Variants in AARS2 observed in about 807,000 individuals in gnomAD.
AARS2 encodes alanine--tRNA ligase, mitochondrial.
In AARS2, 78 loss-of-function variants were observed where a neutral mutation model predicts 119.7. That is an observed-to-expected ratio of 0.65 (90% CI 0.54 to 0.79). The LOEUF (loss-of-function observed/expected upper bound fraction) is 0.79. AARS2 is among the 30% of genes least tolerant of loss of function. The probability of loss-of-function intolerance (pLI) is 0.00; values close to 1 mark genes in which losing one functional copy is unlikely to be tolerated. For synonymous variants in AARS2, 502 were observed against 526.3 expected, an observed-to-expected ratio of 0.95 and a Z score of 0.63; for missense variants, 1,157 against 1,291.3, an observed-to-expected ratio of 0.90 and a Z score of 1.59.
Position 44,307,728 on chromosome 6 carries a change from C to G in AARS2, c.895-334G>C. ...CATGCTTGCTTTAAAGAAGAAGAAGCTGAGGCTCAGAGGAACTCAGTGACA... is the reference window on the plus strand; with the variant it reads ...CATGCTTGCTTTAAAGAAGAAGAAGGTGAGGCTCAGAGGAACTCAGTGACA... On this transcript the variant is annotated intron_variant, in intron 5 of 21. Coordinates refer to ENST00000244571, the MANE Select transcript of AARS2 (RefSeq NM_020745.4). This position sits in a 1 kb window ranked among gnomAD's most constrained non-coding sequence, Gnocchi z 4.4. 1 of 367,876 alleles carries G rather than the reference C, an allele frequency of 2.7e-6. No individual in the cohort carries two copies. The highest frequency in any genetic ancestry group is 5.2e-6 in the Non-Finnish European group (1 of 193,656). 22.8% of individuals were successfully genotyped at this position (367,876 alleles called of 1,614,324 possible). A position where few individuals can be genotyped will look rare whatever the true frequency, so the allele number is the denominator to read the frequency against.
In AARS2 at chr6:44,307,445, G is replaced by A. The variant is rs750888462; in HGVS notation, c.895-51C>T. 1 of 1,557,488 alleles carries A rather than the reference G, an allele frequency of 6.4e-7. No individual in the cohort carries two copies. The highest frequency in any genetic ancestry group is 1.2e-5 in the South Asian group (1 of 85,166). On this transcript the variant is annotated intron_variant, in intron 5 of 21. Coordinates refer to ENST00000244571, the MANE Select transcript of AARS2 (RefSeq NM_020745.4). This position sits in a 1 kb window ranked among gnomAD's most constrained non-coding sequence, Gnocchi z 4.4. ...GGCCCTGCCTGACCTGGCCCAGGTG[G>A]GTGCTCTTTATCGCCTCTAGAGCAT...
chr6:44,312,314 A>T (rs1229016964), intron 1 of AARS2, 51 bp from the exon 2 acceptor site: 1 of 1,574,024 alleles, frequency 6.4e-7, no homozygotes, highest in East Asian at 2.2e-5. Context: ...ATTTCTCAGT[A>T]GAAGGGAAAT....
chr6:44,303,186 G>A lies in AARS2; in HGVS notation c.2146-11C>T, dbSNP rs886061487. On this transcript the variant is annotated splice_polypyrimidine_tract_variant and intron_variant, in intron 15 of 21. Transcript: ENST00000244571. Reference sequence around the variant, plus strand: ...AGGGTCTGGGTAAACCTGAGGTCAAGAGGGGACAGGCCCGTTAACTGCCAA... The same window carrying A: ...AGGGTCTGGGTAAACCTGAGGTCAAAAGGGGACAGGCCCGTTAACTGCCAA... The A allele has an allele frequency of 2.5e-6, 4 of 1,614,134 alleles. No individual in the cohort carries two copies. The highest frequency in any genetic ancestry group is 4.5e-5 in the East Asian group (2 of 44,880).
chr6:44,312,362 G>A lies in AARS2; in HGVS notation c.244-99C>T, dbSNP rs1370510798. 4.0e-6 allele frequency: 5 copies of A among 1,246,872 alleles called. No individual in the cohort carries two copies. The African/African-American group carries it at 6.0e-5, about 15-fold the overall frequency. 77.2% of individuals were successfully genotyped at this position (1,246,872 alleles called of 1,614,324 possible). A position where few individuals can be genotyped will look rare whatever the true frequency, so the allele number is the denominator to read the frequency against. On this transcript the variant is annotated intron_variant, in intron 1 of 21. Coordinates refer to ENST00000244571, the MANE Select transcript of AARS2 (RefSeq NM_020745.4). Reference sequence around the variant, plus strand: ...GATAGGGATGGCTGTTCAGACCGAAGGCTGACTGTGCCCCTGAGAGTGCAG... The same window carrying A: ...GATAGGGATGGCTGTTCAGACCGAAAGCTGACTGTGCCCCTGAGAGTGCAG...
chr6:44,312,339 T>G, intron 1 of AARS2, 76 bp from the exon 2 acceptor site: 2 of 1,454,530 alleles, frequency 1.4e-6, no homozygotes, highest in Non-Finnish European at 1.9e-6. Context: ...GGAGTGAGGA[T>G]AGGGATGGCT....
intron 5 of AARS2, among the ~76,000 whole-genome samples, chr6:44,308,785 A>G (rs1188513158): frequency 6.6e-6 from 1 of 151,910 alleles, no homozygotes; most frequent in African/African-American, 2.4e-5. Context: ...TTTTTTTAGT[A>G]GAGACAGGAT....
At position 44,299,694 on chromosome 6, in the gene AARS2, A is replaced by T. The variant is rs1157895246; in HGVS notation, c.*853T>A. On this transcript the variant is annotated 3_prime_UTR_variant, in exon 22 of 22. Transcript: ENST00000244571. ...AACAAACCAGCAGGGCCCAATTTAA[A>T]TTAGAGGTCATTGTTAATGAAAGAA... is the stretch of plus-strand genomic sequence containing the variant. 1 of 152,172 alleles carries T rather than the reference A, an allele frequency of 6.6e-6. No individual in the cohort carries two copies. Among genetic ancestry groups the T allele is most frequent in the East Asian group, 1.9e-4 (1 of 5,180 alleles). 9.4% of individuals were successfully genotyped at this position (152,172 alleles called of 1,614,324 possible).
intron 11 of AARS2, 93 bp downstream of exon 11, chr6:44,304,961 G>A: frequency 1.2e-6 from 2 of 1,610,464 alleles, no homozygotes; most frequent in Non-Finnish European, 1.7e-6. Context: ...CCATCCTGGG[G>A]AATACATAGG....
intron 21 of AARS2, 155 bp downstream of exon 21, chr6:44,301,001 G>C: frequency 2.5e-6 from 2 of 796,664 alleles, no homozygotes; most frequent in Non-Finnish European, 4.0e-6. Flanking sequence ...CTGTTTTCAG[G>C]AACAAGGAGA....
intron 1 of AARS2, among the ~76,000 whole-genome samples, chr6:44,312,724 C>G (rs764867235): frequency 2.0e-5 from 3 of 152,134 alleles, no homozygotes; most frequent in Non-Finnish European, 4.4e-5. Flanking sequence ...TTGATAAAAA[C>G]CAAAACCTTA....
At chr6:44,310,582 G>C (rs1786268158) in intron 4 of AARS2, 139 bp from the exon 5 acceptor site, 2 of 1,138,690 alleles carry the variant, frequency 1.8e-6, no homozygotes, top group Non-Finnish European at 2.5e-6. Flanking sequence ...ATCTTCCCCT[G>C]CCACCCTGCA....
chr6:44,306,170 AAG>A (rs1785827603), intron 9 of AARS2, 108 bp downstream of exon 9: 1 of 1,034,360 alleles, frequency 9.7e-7, no homozygotes, highest in African/African-American at 1.6e-5. Flanking sequence ...GAACATTGGG[AAG>A]AGGTCAGGGG....
chr6:44,308,503 C>T (rs905464565), intron 5 of AARS2, among the ~76,000 whole-genome samples: 50 of 151,524 alleles, frequency 3.3e-4, no homozygotes, highest in Non-Finnish European at 8.8e-5. Context: ...CATGCCACTG[C>T]ACTCCAGCCT....
chr6:44,300,586 G>A lies in AARS2; in HGVS notation c.2919C>T (p.Ala973=), dbSNP rs377662340. ...GGGCATAGGTTTGGGCTATACTGAG[G>A]GCAGCTTCCAGGTCAGTAGTGCTTC... is the stretch of plus-strand genomic sequence containing the variant. ...GTGSTTDLEA[A]LSIAQTYALS... The change falls in exon 22 of 22, where the codon GCC becomes GCT. Residue 973 remains alanine (A), a synonymous_variant. Transcript: ENST00000244571. The A allele has an allele frequency of 6.2e-7, 1 of 1,614,088 alleles. No homozygotes were observed. The highest frequency in any genetic ancestry group is 8.5e-7 in the Non-Finnish European group (1 of 1,180,044).
In AARS2 at chr6:44,306,952, T is replaced by G; in HGVS notation, c.1120A>C (p.Ser374Arg). 2 of 1,614,042 alleles carry G rather than the reference T, an allele frequency of 1.2e-6. No homozygotes were observed. ...GTCTCCACCACTACAGGTACCAGGCTGCCTAGGAAGCCAGGTGGTGCCTTT... is the reference window on the plus strand; with the variant it reads ...GTCTCCACCACTACAGGTACCAGGCGGCCTAGGAAGCCAGGTGGTGCCTTT... ...ILKAPPGFLG[S>R]LVPVVVETLG... The change falls in exon 7 of 22, where the codon AGC becomes CGC. Residue 374 changes from serine (S) to arginine (R), a missense_variant. Physicochemically the swap from Ser to Arg is moderately radical, Grantham distance 110. Transcript: ENST00000244571.
In AARS2 at chr6:44,304,515, C is replaced by A. The variant is rs1482975851; in HGVS notation, c.1771G>T (p.Ala591Ser). The A allele has an allele frequency of 6.2e-7, 1 of 1,614,042 alleles. No homozygotes were observed. Among genetic ancestry groups the A allele is most frequent in the African/African-American group, 1.3e-5 (1 of 74,916 alleles). ...AAACCTCCACAGACCTGGGCCCGGG[C>A]TACTGGGAACAGCACGTCCTGAGGG... is the stretch of plus-strand genomic sequence containing the variant. ...AGQEDVLFPV[A>S]RAQVCGGFIL... is the part of the protein sequence containing the mutation. Residue 591 changes from alanine (A) to serine (S), a missense_variant, in exon 13 of 22, where the codon GCC becomes TCC. Physicochemically the swap from Ala to Ser is moderately conservative, Grantham distance 99. Coordinates refer to ENST00000244571, the MANE Select transcript of AARS2 (RefSeq NM_020745.4).
Position 44,303,425 on chromosome 6 carries a change from T to C in AARS2, c.2008-2A>G. On this transcript the variant is annotated splice_acceptor_variant, in intron 14 of 21. Transcript: ENST00000244571. LOFTEE classifies it high-confidence loss of function. ...GAGCTGCTCTGGGGTCAATGGGGTC[T>C]GGAGGGGTGGGGAGGAAATGGAAAG... is the stretch of plus-strand genomic sequence containing the variant. The C allele has an allele frequency of 6.2e-7, 1 of 1,613,896 alleles. No homozygotes were observed. The highest frequency in any genetic ancestry group is 8.5e-7 in the Non-Finnish European group (1 of 1,180,032).
In AARS2 at chr6:44,300,509, T is replaced by C; in HGVS notation, c.*38A>G. ...GCTGGCTCCTTCAGGGCTCCTGGCA[T>C]TGCCTTTAGTCCATGTGGGTCCCTG... On this transcript the variant is annotated 3_prime_UTR_variant, in exon 22 of 22. Coordinates refer to ENST00000244571, the MANE Select transcript of AARS2 (RefSeq NM_020745.4). 6.2e-7 allele frequency: 1 copy of C among 1,613,558 alleles called. No individual in the cohort carries two copies. Among genetic ancestry groups the C allele is most frequent in the Non-Finnish European group, 8.5e-7 (1 of 1,179,928 alleles).
At chr6:44,303,489 T>C (rs1255471444) in intron 14 of AARS2, 66 bp from the exon 15 acceptor site, 4 of 1,610,728 alleles carry the variant, frequency 2.5e-6, no homozygotes, top group Non-Finnish European at 3.4e-6. Flanking sequence ...AACTGATGCA[T>C]TGAAACACGG....
Sources: allele counts gnomAD v4.1 joint callset (sites outside exome capture counted in the v4.1 genomes callset), GRCh38; gene constraint gnomAD v4.1.1; non-coding constraint Gnocchi (gnomAD v3.1); transcripts MANE v1.5; gene names NCBI Gene and HGNC (gene_info 2026-07-23, HGNC 2026-07-21).